The following ABCG2 variants were observed in gnomAD, a reference collection of about 807,000 sequenced individuals.
ABCG2 encodes broad substrate specificity ATP-binding cassette transporter ABCG2.
ABCG2 carries 80 observed loss-of-function variants against 73.5 expected under a neutral mutation model. That is an observed-to-expected ratio of 1.09 (90% CI 0.91 to 1.31). ABCG2 has a LOEUF of 1.31. ABCG2 is among the 50% of genes most tolerant of loss of function. The probability of loss-of-function intolerance (pLI) is 0.00; values close to 1 mark genes in which losing one functional copy is unlikely to be tolerated. For missense variants in ABCG2, 796 were observed against 786.2 expected, an observed-to-expected ratio of 1.01 and a Z score of -0.15; for synonymous variants, 269 against 282.4, an observed-to-expected ratio of 0.95 and a Z score of 0.48.
rs560318984 is a variant in ABCG2 at position 88,119,895 on chromosome 4, A to G, written c.690-1635T>C. 1.1e-3 allele frequency among the ~76,000 whole-genome samples: 169 copies of G among 152,352 alleles called. 1 individual carries two copies. The highest frequency in any genetic ancestry group is 3.9e-3 in the African/African-American group (162 of 41,578). On this transcript the variant is annotated intron_variant, in intron 6 of 15. Coordinates refer to ENST00000237612, the MANE Select transcript of ABCG2 (RefSeq NM_004827.3). The stretch of plus-strand genomic sequence containing the variant: ...AAAGAAAAACCCATTTTCTGAAGAG[A>G]AATTCAAGCCTGCTACAGAAATTTG...
chr4:88,159,721 A>G (rs924404788), upstream of ABCG2, among the ~76,000 whole-genome samples: 11 of 152,206 alleles, frequency 7.2e-5, no homozygotes, highest in African/African-American at 2.4e-4. Context: ...GGTTCACCCA[A>G]TGCAGGAAAG....
intron 1 of ABCG2, among the ~76,000 whole-genome samples, chr4:88,211,884 C>T (rs1216440536): frequency 1.3e-5 from 2 of 152,172 alleles, no homozygotes; most frequent in Non-Finnish European, 2.9e-5. Flanking sequence ...GCCTCTCTTC[C>T]AGATAAAATC....
chr4:88,166,521 G>A (rs1727526021), intron 1 of ABCG2, among the ~76,000 whole-genome samples: 1 of 151,994 alleles, frequency 6.6e-6, no homozygotes, highest in East Asian at 1.9e-4. Context: ...TAATTTACAG[G>A]CCCCCAAGCA....
chr4:88,115,065 A>C lies in ABCG2; in HGVS notation c.842-7T>G. The C allele has an allele frequency of 6.3e-7, 1 of 1,595,032 alleles. No individual in the cohort carries two copies. The highest frequency in any genetic ancestry group is 8.6e-7 in the Non-Finnish European group (1 of 1,164,856). ...TAGGCCTCACAGTGATAACCTATGA[A>C]AGAAGGCAGCTCAAAAACACAAACT... On this transcript the variant is annotated splice_polypyrimidine_tract_variant and splice_region_variant and intron_variant, in intron 7 of 15. Transcript: ENST00000237612.
At chr4:88,204,093 T>TCC in intron 1 of ABCG2, among the ~76,000 whole-genome samples, 1 of 152,212 alleles carries the variant, frequency 6.6e-6, no homozygotes, top group Non-Finnish European at 1.5e-5. Context: ...ATGATTTTGT[T>TCC]TGCTTTGCAA....
At chr4:88,123,266 T>G (rs985823966) in intron 5 of ABCG2, among the ~76,000 whole-genome samples, 1 of 152,118 alleles carries the variant, frequency 6.6e-6, no homozygotes, top group Non-Finnish European at 1.5e-5. Context: ...CTCCAAAGGA[T>G]CACAGCTCCT....
chr4:88,181,940 T>C (rs1340567527), intron 1 of ABCG2, among the ~76,000 whole-genome samples: 27 of 151,984 alleles, frequency 1.8e-4, no homozygotes, highest in Admixed American at 1.8e-3. Flanking sequence ...AATAATAACA[T>C]TGAATGTAAA....
intron 1 of ABCG2, among the ~76,000 whole-genome samples, chr4:88,175,484 C>G (rs1413573718): frequency 1.3e-5 from 2 of 152,044 alleles, no homozygotes; most frequent in African/African-American, 2.4e-5. Flanking sequence ...ATTTGTTCAC[C>G]TCAAGGTCCA....
intron 9 of ABCG2, among the ~76,000 whole-genome samples, chr4:88,108,728 G>A (rs1294714103): frequency 6.6e-6 from 1 of 152,152 alleles, no homozygotes; most frequent in African/African-American, 2.4e-5. Flanking sequence ...TGCAAAAACA[G>A]TACCATCATC....
intron 5 of ABCG2, among the ~76,000 whole-genome samples, chr4:88,124,855 T>A (rs191820054): frequency 6.6e-6 from 1 of 152,298 alleles, no homozygotes; most frequent in Non-Finnish European, 1.5e-5. Flanking sequence ...AGAATATACA[T>A]TCTTCTCAGC....
rs45626733 is a variant in ABCG2 at position 88,101,036 on chromosome 4, C to T, written c.1367+194G>A. Among the ~76,000 whole-genome samples the T allele has an allele frequency of 9.5e-3, 1,441 of 152,232 alleles. 17 individuals are homozygous for T. The highest frequency in any genetic ancestry group is 0.054 in the Middle Eastern group (16 of 294). ...TTTTCTCAATGAATATTGGTAACCC[C>T]TATACATATTTTCAAAACATCATGT... On this transcript the variant is annotated intron_variant, in intron 11 of 15. Transcript: ENST00000237612.
At chr4:88,194,118 G>C (rs1381677975) in intron 1 of ABCG2, among the ~76,000 whole-genome samples, 4 of 152,164 alleles carry the variant, frequency 2.6e-5, no homozygotes, top group Non-Finnish European at 5.9e-5. Context: ...ACATTTCATA[G>C]AAACAGAGTG....
At chr4:88,180,670 T>G (rs564160902) in intron 1 of ABCG2, among the ~76,000 whole-genome samples, 203 of 152,168 alleles carry the variant, frequency 1.3e-3, no homozygotes, top group African/African-American at 4.5e-3. Flanking sequence ...GGGGGCTCAC[T>G]TTAGCCCAGA....
intron 1 of ABCG2, among the ~76,000 whole-genome samples, chr4:88,150,365 G>A (rs1726373528): frequency 6.6e-6 from 1 of 152,174 alleles, no homozygotes; most frequent in Non-Finnish European, 1.5e-5. Flanking sequence ...GCCTTCTGGA[G>A]GAGCAGTATA....
chr4:88,191,987 G>A (rs753827448), intron 1 of ABCG2, among the ~76,000 whole-genome samples: 3 of 151,752 alleles, frequency 2.0e-5, no homozygotes, highest in African/African-American at 7.3e-5. Flanking sequence ...CCTGGGCAAC[G>A]TGGCAAAATC....
intron 2 of ABCG2, among the ~76,000 whole-genome samples, chr4:88,138,723 T>A (rs1725411545): frequency 6.6e-6 from 1 of 152,210 alleles, no homozygotes. Context: ...CAACCCCTGA[T>A]GACCTTTCCA....
chr4:88,157,480 C>T (rs1417921533), intron 1 of ABCG2, among the ~76,000 whole-genome samples: 1 of 151,952 alleles, frequency 6.6e-6, no homozygotes, highest in South Asian at 2.1e-4. Flanking sequence ...TTAGTTTTGG[C>T]CCTTGTTATG....
Position 88,184,223 on chromosome 4 carries a change from G to A in ABCG2, c.-19-44209C>T, listed in dbSNP as rs549203896. Among the ~76,000 whole-genome samples the A allele has an allele frequency of 2.0e-5, 3 of 152,002 alleles. No individual in the cohort carries two copies. In the South Asian group the frequency reaches 6.2e-4, roughly 31 times the overall value. ...AGTCCTATTTAGAGCAATCAGATAA[G>A]AGAAAAAAATAAAGGGCATCCAAAC... On this transcript the variant is annotated intron_variant, in intron 1 of 15. Transcript: ENST00000515655.
rs530966748 is a variant in ABCG2, at chr4:88,216,386, G to C, written c.-20+14608C>G. On this transcript the variant is annotated intron_variant, in intron 1 of 15. Transcript: ENST00000515655. ...AGTAGATTGTATCACGATGGTGGAG[G>C]TTCTCAAAAATCAAATGATCAAGAT... 1.3e-4 allele frequency among the ~76,000 whole-genome samples: 20 copies of C among 152,318 alleles called. No individual in the cohort carries two copies. In the South Asian group the frequency reaches 4.1e-3, roughly 32 times the overall value.
Sources: allele counts gnomAD v4.1 joint callset (sites outside exome capture counted in the v4.1 genomes callset), GRCh38; gene constraint gnomAD v4.1.1; transcripts MANE v1.5; gene names NCBI Gene and HGNC (gene_info 2026-07-23, HGNC 2026-07-21).